Variants in ZNF385D observed in about 807,000 individuals in gnomAD.
ZNF385D encodes zinc finger protein 659.
In ZNF385D, 15 loss-of-function variants were observed where a neutral mutation model predicts 35.8. The ratio of observed to expected loss-of-function variants is 0.42; its 90% CI spans 0.28 to 0.64. ZNF385D has a LOEUF of 0.64. ZNF385D is among the 30% of genes least tolerant of loss of function. The pLI, the probability that ZNF385D is intolerant of heterozygous loss-of-function variation, is 0.23. For missense variants in ZNF385D, 474 were observed against 494.6 expected (o/e 0.96, Z 0.39); for synonymous variants, 212 against 186.8 (o/e 1.13, Z -1.10).
At chr3:21,851,327 A>G (rs527672185) in intron 3 of ZNF385D, among the ~76,000 whole-genome samples, 2 of 152,202 alleles carry the variant, frequency 1.3e-5, no homozygotes, top group Admixed American at 6.5e-5. Flanking sequence ...TGCTAGTAAG[A>G]GTGTGAAAGT....
At chr3:22,163,691 C>T (rs187648523) in intron 3 of ZNF385D, among the ~76,000 whole-genome samples, 1 of 152,100 alleles carries the variant, frequency 6.6e-6, no homozygotes, top group East Asian at 1.9e-4. Flanking sequence ...CCTGAAAATA[C>T]TAAAGTACCT....
At chr3:21,977,942 C>T (rs371160632) in intron 3 of ZNF385D, among the ~76,000 whole-genome samples, 1 of 152,140 alleles carries the variant, frequency 6.6e-6, no homozygotes, top group African/African-American at 2.4e-5. Context: ...ACTGCCCCAC[C>T]AATTCTCTCC....
intron 1 of ZNF385D, among the ~76,000 whole-genome samples, chr3:21,681,410 G>A (rs2125313953): frequency 6.7e-6 from 1 of 149,696 alleles, no homozygotes. Flanking sequence ...GGTAAAGGCT[G>A]TACAATTGGT....
At chr3:21,952,590 T>C (rs563085529) in intron 3 of ZNF385D, among the ~76,000 whole-genome samples, 10 of 152,114 alleles carry the variant, frequency 6.6e-5, no homozygotes, top group South Asian at 6.2e-4. Flanking sequence ...CTTTAAAATA[T>C]AGATAATAAT....
rs199992229 is a variant in ZNF385D at position 21,988,249 on chromosome 3, G to A, written c.325+180568C>T. ...CTTTGGAGGAGGAGAGGCGCTCTGC[G>A]TTTTAGAGTTTCCAGTTTTTCTGTT... is the stretch of plus-strand genomic sequence containing the variant. On this transcript the variant is annotated intron_variant, in intron 3 of 5. Transcript: ENST00000494108. Among the ~76,000 whole-genome samples, 291 of 117,418 alleles carry A rather than the reference G, an allele frequency of 2.5e-3. 1 individual carries two copies. Among genetic ancestry groups the A allele is most frequent in the East Asian group, 8.4e-3 (32 of 3,810 alleles). 77.0% of individuals were successfully genotyped at this position (117,418 alleles called of 152,430 possible). A position where few individuals can be genotyped will look rare whatever the true frequency, so the allele number is the denominator to read the frequency against.
intron 3 of ZNF385D, among the ~76,000 whole-genome samples, chr3:22,136,196 A>C (rs751447465): frequency 1.9e-4 from 29 of 152,152 alleles, no homozygotes; most frequent in African/African-American, 6.7e-4. Context: ...CCAGCCTGGG[A>C]AACATGGTGA....
At chr3:21,569,922 A>AGGGGGGGGGGGGGGGG (rs1575210384) in intron 2 of ZNF385D, among the ~76,000 whole-genome samples, 1 of 115,332 alleles carries the variant, frequency 8.7e-6, no homozygotes, top group African/African-American at 3.5e-5. Context: ...GTGGGGGGGC[A>AGGGGGGGGGGGGGGGG]GGGAGGGATA....
chr3:22,303,020 C>CT (rs1229295965), intron 2 of ZNF385D, among the ~76,000 whole-genome samples: 1 of 151,960 alleles, frequency 6.6e-6, no homozygotes, highest in Non-Finnish European at 1.5e-5. Context: ...GATAGTTCAT[C>CT]TTTTTTGTTA....
chr3:22,018,161 CTG>C (rs984920565), intron 3 of ZNF385D, among the ~76,000 whole-genome samples: 1 of 151,416 alleles, frequency 6.6e-6, no homozygotes, highest in African/African-American at 2.4e-5. Context: ...AAAATATTCT[CTG>C]TGTTTTAATT....
At chr3:21,610,299 T>A (rs1199952840) in intron 2 of ZNF385D, among the ~76,000 whole-genome samples, 1 of 151,422 alleles carries the variant, frequency 6.6e-6, no homozygotes, top group Non-Finnish European at 1.5e-5. Context: ...AAACTCTCCT[T>A]CCCTTCCTGG....
intron 2 of ZNF385D, among the ~76,000 whole-genome samples, chr3:22,258,151 C>T (rs1363193514): frequency 1.3e-5 from 2 of 151,712 alleles, no homozygotes; most frequent in South Asian, 2.1e-4. Flanking sequence ...GAACAGATTC[C>T]ACTTTTAGTC....
intron 3 of ZNF385D, among the ~76,000 whole-genome samples, chr3:22,022,792 T>C (rs1158879279): frequency 6.6e-6 from 1 of 152,024 alleles, no homozygotes; most frequent in Non-Finnish European, 1.5e-5. Flanking sequence ...TATGGAGAAA[T>C]AGTACTGTTC....
intron 3 of ZNF385D, among the ~76,000 whole-genome samples, chr3:21,809,992 A>C (rs898941471): frequency 2.6e-5 from 4 of 152,138 alleles, no homozygotes; most frequent in African/African-American, 9.7e-5. Flanking sequence ...ATTCCATACA[A>C]TATCTTCCAG....
At chr3:22,330,960 G>A (rs1694905433) in intron 2 of ZNF385D, among the ~76,000 whole-genome samples, 1 of 152,146 alleles carries the variant, frequency 6.6e-6, no homozygotes, top group Non-Finnish European at 1.5e-5. Flanking sequence ...GTATGGCTAT[G>A]TCCACCTTAT....
rs75726447 is a variant in ZNF385D, at chr3:21,935,638, G to T, written c.325+233179C>A. ...TTCTGGAAAGAGTAAAAAGTTGCTTGTCTGTTTAGAAGTGACCTTTTTTTC... is the reference window on the plus strand; with the variant it reads ...TTCTGGAAAGAGTAAAAAGTTGCTTTTCTGTTTAGAAGTGACCTTTTTTTC... On this transcript the variant is annotated intron_variant, in intron 3 of 5. Coordinates refer to the ZNF385D transcript ENST00000494108. 5.1e-3 allele frequency among the ~76,000 whole-genome samples: 782 copies of T among 152,138 alleles called. 11 individuals carry two copies. Among genetic ancestry groups the T allele is most frequent in the African/African-American group, 0.018 (747 of 41,510 alleles).
chr3:22,336,925 A>AAAAC (rs1337325363), intron 2 of ZNF385D, among the ~76,000 whole-genome samples: 37 of 146,344 alleles, frequency 2.5e-4, no homozygotes, highest in African/African-American at 8.7e-4. Context: ...AAAAAAAAAA[A>AAAAC]AAAAAAAAAA....
In ZNF385D at chr3:21,424,029, A is replaced by G; in HGVS notation, c.888T>C (p.Ala296=). ...ISSRRHKDRA[A]GKPPKPKYSP... is the part of the protein sequence containing the mutation. The stretch of plus-strand genomic sequence containing the variant: ...TGTATTTAGGTTTCGGGGGCTTCCC[A>G]GCAGCTCTGTCTTTGTGCCTTCTAC... Residue 296 remains alanine, a synonymous_variant, in exon 7 of 8, where the codon GCT becomes GCC. Coordinates refer to ENST00000281523, the MANE Select transcript of ZNF385D (RefSeq NM_024697.3). 3 of 1,603,520 alleles carry G rather than the reference A, an allele frequency of 1.9e-6. No homozygotes were observed. Among genetic ancestry groups the G allele is most frequent in the African/African-American group, 2.7e-5 (2 of 74,326 alleles).
intron 2 of ZNF385D, among the ~76,000 whole-genome samples, chr3:21,627,933 G>C (rs2065179565): frequency 6.6e-6 from 1 of 152,080 alleles, no homozygotes. Context: ...AAATTTTGTT[G>C]TGCTGACAAA....
intron 3 of ZNF385D, among the ~76,000 whole-genome samples, chr3:21,771,165 A>C (rs1250395455): frequency 1.3e-5 from 2 of 151,908 alleles, no homozygotes; most frequent in Non-Finnish European, 2.9e-5. Flanking sequence ...GGTGCAGCAC[A>C]CCAACATGGC....
Sources: gnomAD v4.1 joint callset for allele counts (sites outside exome capture counted in the v4.1 genomes callset) on GRCh38, gnomAD v4.1.1 for gene constraint, MANE v1.5 for transcripts, NCBI Gene and HGNC (gene_info 2026-07-23, HGNC 2026-07-21) for gene names.